Variants in ZCCHC2 observed in about 807,000 individuals in gnomAD.
The protein encoded by ZCCHC2 is zinc finger CCHC domain-containing protein 2.
A neutral mutation model predicts 103.6 loss-of-function variants in ZCCHC2; 39 were observed. The ratio of observed to expected loss-of-function variants is 0.38; its 90% CI spans 0.29 to 0.49. The LOEUF is 0.49. Ranked by LOEUF, ZCCHC2 falls within the 20% of genes least tolerant of loss-of-function variation. The pLI is 0.96. For synonymous variants in ZCCHC2, 687 were observed against 608.9 expected, an observed-to-expected ratio of 1.13 and a Z score of -1.89; for missense variants, 1,483 against 1,491.0, an observed-to-expected ratio of 0.99 and a Z score of 0.09.
chr18:62,541,943 G>A (rs1205639928), intron 2 of ZCCHC2, among the ~76,000 whole-genome samples: 1 of 151,878 alleles, frequency 6.6e-6, no homozygotes. Context: ...TTATTATAAT[G>A]TTCAGTTTAT....
intron 3 of ZCCHC2, among the ~76,000 whole-genome samples, chr18:62,543,366 A>G (rs1915282652): frequency 6.6e-6 from 1 of 151,992 alleles, no homozygotes; most frequent in Non-Finnish European, 1.5e-5. Flanking sequence ...TCTCATGGAG[A>G]GCAGGAATCT....
intron 2 of ZCCHC2, among the ~76,000 whole-genome samples, chr18:62,541,839 T>C (rs1915200125): frequency 6.6e-6 from 1 of 152,222 alleles, no homozygotes; most frequent in Non-Finnish European, 1.5e-5. Context: ...ATAAACTGAT[T>C]ATCTAGTTCA....
chr18:62,572,810 A>G (rs961927249), intron 12 of ZCCHC2, among the ~76,000 whole-genome samples: 2 of 152,176 alleles, frequency 1.3e-5, no homozygotes, highest in Admixed American at 6.5e-5. Flanking sequence ...CAGACTTAAC[A>G]TTTTTATCTT....
At chr18:62,555,677 A>G (rs1598950517) in intron 5 of ZCCHC2, among the ~76,000 whole-genome samples, 2 of 152,274 alleles carry the variant, frequency 1.3e-5, no homozygotes, top group Non-Finnish European at 2.9e-5. Context: ...GCGTGGTGGC[A>G]CATGCCTGTA....
chr18:62,575,282 T>C lies in ZCCHC2; in HGVS notation c.3201T>C (p.Asn1067=). The change falls in exon 13 of 14, where the codon AAT becomes AAC. Residue 1067 remains asparagine, a synonymous_variant. Transcript: ENST00000269499. ...ACCTCAACCAAGCACATCAGAGCAA[T>C]GGAAACCAACTTCCTTTTTTTCTGC... ...GSYLNQAHQS[N]GNQLPFFLPQ... is the part of the protein sequence containing the mutation. 6.2e-7 allele frequency: 1 copy of C among 1,613,996 alleles called. No individual in the cohort carries two copies. Among genetic ancestry groups the C allele is most frequent in the Non-Finnish European group, 8.5e-7 (1 of 1,179,866 alleles).
rs1916716489 is a variant in ZCCHC2 at position 62,574,345 on chromosome 18, C to A, written c.2264C>A (p.Pro755His). Residue 755 changes from proline (P) to histidine (H), a missense_variant, in exon 13 of 14, where the codon CCT (proline) becomes CAT (histidine). Physicochemically the swap from Pro to His is moderately conservative, Grantham distance 77. Coordinates refer to ENST00000269499, the MANE Select transcript of ZCCHC2 (RefSeq NM_017742.6). Reference protein sequence around the residue: ...GKTIGMLVPSPVAISAIRESA... With the variant: ...GKTIGMLVPSHVAISAIRESA... ...ACCATAGGGATGCTTGTTCCTAGTC[C>A]TGTTGCTATTTCTGCAATAAGGGAG... 2 of 1,613,908 alleles carry A rather than the reference C, an allele frequency of 1.2e-6. No homozygotes were observed. Among genetic ancestry groups the A allele is most frequent in the Non-Finnish European group, 8.5e-7 (1 of 1,179,902 alleles).
intron 4 of ZCCHC2, among the ~76,000 whole-genome samples, chr18:62,545,402 T>C (rs967079934): frequency 2.0e-5 from 3 of 151,964 alleles, no homozygotes; most frequent in Non-Finnish European, 4.4e-5. Context: ...CTGAAATAGT[T>C]CTCCATTTCT....
At chr18:62,579,484 C>A (rs147410569), downstream of ZCCHC2, among the ~76,000 whole-genome samples, 2 of 152,282 alleles carry the variant, frequency 1.3e-5, no homozygotes, top group East Asian at 3.9e-4. Context: ...CAGGAGCCAT[C>A]TAATGACTGT....
chr18:62,533,178 T>C (rs1487475036), intron 1 of ZCCHC2, among the ~76,000 whole-genome samples: 3 of 152,234 alleles, frequency 2.0e-5, no homozygotes, highest in Non-Finnish European at 4.4e-5. Flanking sequence ...GTTGTATATA[T>C]CATCATTGCT....
chr18:62,570,027 A>G (rs898725955), intron 11 of ZCCHC2, 76 bp from the exon 12 acceptor site: 30 of 1,404,494 alleles, frequency 2.1e-5, no homozygotes, highest in Non-Finnish European at 2.8e-5. Flanking sequence ...GCTAAAATTA[A>G]TTTCTAATGA....
At position 62,524,119 on chromosome 18, in the gene ZCCHC2, A is replaced by G; in HGVS notation, c.695A>G (p.Glu232Gly). ...GEDGDGEQDA[E>G]KDGSGPEGGI... is the part of the protein sequence containing the mutation. ...GACGGCGACGGCGAGCAGGACGCCG[A>G]GAAGGACGGCTCAGGCCCGGAAGGC... The change falls in exon 1 of 14, where the codon GAG becomes GGG. Residue 232 changes from glutamate (E) to glycine (G), a missense_variant. This residue lies in a region of ZCCHC2 where 568 missense variants were observed against 525.1 expected (regional missense o/e 1.08). Coordinates refer to ENST00000269499, the MANE Select transcript of ZCCHC2 (RefSeq NM_017742.6). 1.3e-6 allele frequency: 2 copies of G among 1,529,450 alleles called. No individual in the cohort carries two copies. The highest frequency in any genetic ancestry group is 1.8e-6 in the Non-Finnish European group (2 of 1,141,704). The allele number at this position is 1,529,450 out of a possible 1,614,324, so 94.7% of individuals were successfully genotyped here.
chr18:62,541,453 C>G (rs984365129), intron 2 of ZCCHC2, among the ~76,000 whole-genome samples: 2 of 152,192 alleles, frequency 1.3e-5, no homozygotes, highest in African/African-American at 4.8e-5. Flanking sequence ...GCTTTTGTCA[C>G]TTTGTGTATT....
intron 13 of ZCCHC2, 110 bp downstream of exon 13, chr18:62,575,660 G>A (rs1452487074): frequency 2.0e-5 from 26 of 1,317,566 alleles, no homozygotes; most frequent in East Asian, 2.5e-5. Context: ...TTGTGTTTTC[G>A]TTTATGGATA....
chr18:62,524,683 G>C (rs1018677732), intron 1 of ZCCHC2: 58 of 372,090 alleles, frequency 1.6e-4, no homozygotes, highest in African/African-American at 1.1e-3. Context: ...GAAAAGTGTC[G>C]GGACGTTTTT....
At chr18:62,560,843 T>C (rs1039620115) in intron 8 of ZCCHC2, among the ~76,000 whole-genome samples, 199 bp downstream of exon 8, 2 of 152,150 alleles carry the variant, frequency 1.3e-5, no homozygotes, top group African/African-American at 2.4e-5. Flanking sequence ...TTTTTTTGTT[T>C]TGTTTTGTTT....
At chr18:62,553,816 C>T (rs1320057538) in intron 5 of ZCCHC2, among the ~76,000 whole-genome samples, 2 of 152,142 alleles carry the variant, frequency 1.3e-5, no homozygotes, top group Non-Finnish European at 2.9e-5. Context: ...CTGTGAATGG[C>T]CTTTTCAGTC....
At chr18:62,525,880 TTAAA>T (rs1914365923) in intron 1 of ZCCHC2, 1 of 152,106 alleles carries the variant, frequency 6.6e-6, no homozygotes, top group Non-Finnish European at 1.5e-5. Flanking sequence ...CGCACAGCCA[TTAAA>T]TTTAGAGACA....
rs764145932 is a variant in ZCCHC2, at chr18:62,574,036, CTT to C, written c.1976-19_1976-18del. 1.2e-5 allele frequency: 20 copies of C among 1,602,256 alleles called. No homozygotes were observed. The highest frequency in any genetic ancestry group is 1.4e-5 in the Non-Finnish European group (17 of 1,173,624). ...GGGAGTTATGCCCGTGTTAATATCTCTTTATGTTTGTTTTCTTTAGACACAGA... is the reference window on the plus strand; with the variant it reads ...GGGAGTTATGCCCGTGTTAATATCTCTATGTTTGTTTTCTTTAGACACAGA... On this transcript the variant is annotated intron_variant, in intron 12 of 13. Coordinates refer to ENST00000269499, the MANE Select transcript of ZCCHC2 (RefSeq NM_017742.6).
chr18:62,531,783 A>G (rs1472851110), intron 1 of ZCCHC2, among the ~76,000 whole-genome samples: 1 of 118,906 alleles, frequency 8.4e-6, no homozygotes, highest in Non-Finnish European at 1.8e-5. Flanking sequence ...CCCCATCTCT[A>G]CAAAAAGTAA....
Sources: allele counts gnomAD v4.1 joint callset (sites outside exome capture counted in the v4.1 genomes callset), GRCh38; gene constraint gnomAD v4.1.1; regional missense constraint gnomAD v4.1.1; transcripts MANE v1.5; gene names NCBI Gene and HGNC (gene_info 2026-07-23, HGNC 2026-07-21).